Variants in RNMT observed in about 807,000 individuals in gnomAD.
RNMT encodes the protein mRNA cap guanine-N(7) methyltransferase.
In RNMT, 27 loss-of-function variants were observed where a neutral mutation model predicts 56.0. The ratio of observed to expected loss-of-function variants is 0.48; its 90% CI spans 0.36 to 0.67. RNMT has a LOEUF of 0.67. Ranked by LOEUF, RNMT falls within the 30% of genes least tolerant of loss-of-function variation. The pLI, the probability that RNMT is intolerant of heterozygous loss-of-function variation, is 0.00. For missense variants in RNMT, 519 were observed against 552.1 expected (o/e 0.94, Z 0.60); for synonymous variants, 184 against 176.2 (o/e 1.04, Z -0.35).
At chr18:13,734,340 T>A in intron 3 of RNMT, 124 bp from the exon 4 acceptor site, 1 of 786,918 alleles carries the variant, frequency 1.3e-6, no homozygotes, top group African/African-American at 1.8e-5. Context: ...TGTGGTTAAT[T>A]GCCATTGTTT....
chr18:13,752,553 C>CTGTAACAACAT (rs2044468059), intron 10 of RNMT, 126 bp downstream of exon 10: 3 of 616,374 alleles, frequency 4.9e-6, no homozygotes, highest in Admixed American at 2.8e-5. Context: ...TCAGTTGTTT[C>CTGTAACAACAT]CACTAAGTGA....
At chr18:13,759,717 C>CT (rs1186306134) in intron 11 of RNMT, among the ~76,000 whole-genome samples, 2 of 152,052 alleles carry the variant, frequency 1.3e-5, no homozygotes, top group Admixed American at 6.5e-5. Context: ...TGCAATATCA[C>CT]TGAGTATTAT....
intron 3 of RNMT, 65 bp from the exon 4 acceptor site, chr18:13,734,399 T>G: frequency 6.9e-7 from 1 of 1,452,502 alleles, no homozygotes; most frequent in Non-Finnish European, 9.3e-7. Flanking sequence ...ACAGGTCAAA[T>G]GTTCTGAGGC....
At chr18:13,753,818 C>G (rs1598427947) in intron 10 of RNMT, among the ~76,000 whole-genome samples, 2 of 89,878 alleles carry the variant, frequency 2.2e-5, no homozygotes, top group Non-Finnish European at 4.4e-5. Flanking sequence ...TTTCCAGTTA[C>G]ACACACACAC....
chr18:13,762,133 C>A lies in RNMT; in HGVS notation c.*2154C>A. On this transcript the variant is annotated 3_prime_UTR_variant, in exon 12 of 12. Coordinates refer to ENST00000383314, the MANE Select transcript of RNMT (RefSeq NM_003799.3). ...CAAGCTCAGTGAAGTGGGGCACTCC[C>A]AGACCTGCCATGCAGTTTATCCTCT... 6.5e-7 allele frequency: 1 copy of A among 1,535,556 alleles called. No individual in the cohort carries two copies. The highest frequency in any genetic ancestry group is 1.2e-5 in the South Asian group (1 of 84,000).
At chr18:13,733,031 G>A (rs2044099519) in intron 3 of RNMT, among the ~76,000 whole-genome samples, 1 of 152,038 alleles carries the variant, frequency 6.6e-6, no homozygotes, top group South Asian at 2.1e-4. Flanking sequence ...AAAGTGCTGG[G>A]ATTACAGGCA....
chr18:13,746,216 A>C lies in RNMT; in HGVS notation c.1140-4A>C, dbSNP rs752141583. 7.1e-7 allele frequency: 1 copy of C among 1,410,738 alleles called. No homozygotes were observed. Among genetic ancestry groups the C allele is most frequent in the South Asian group, 1.2e-5 (1 of 80,954 alleles). 87.4% of individuals were successfully genotyped at this position (1,410,738 alleles called of 1,614,324 possible). A position where few individuals can be genotyped will look rare whatever the true frequency, so the allele number is the denominator to read the frequency against. Reference sequence around the variant, plus strand: ...TTTTTCATTAAGTATTCTTTTTTGGACAGAATGGCAAAGAAGTACAATATG... The same window carrying C: ...TTTTTCATTAAGTATTCTTTTTTGGCCAGAATGGCAAAGAAGTACAATATG... On this transcript the variant is annotated splice_region_variant and splice_polypyrimidine_tract_variant and intron_variant, in intron 8 of 11. Coordinates refer to ENST00000383314, the MANE Select transcript of RNMT (RefSeq NM_003799.3).
chr18:13,742,942 C>A, intron 8 of RNMT: 12 of 208,490 alleles, frequency 5.8e-5, no homozygotes, highest in Middle Eastern at 1.8e-3. Context: ...GCTTGTGGCA[C>A]AAAATGCCTG....
intron 3 of RNMT, among the ~76,000 whole-genome samples, chr18:13,734,092 G>A (rs6505837): frequency 0.077 from 11,754 of 152,138 alleles, 513 homozygotes; most frequent in Middle Eastern, 0.13. Context: ...TTTATAAGGG[G>A]TTTCCCCTTT....
chr18:13,747,577 G>A (rs1209267312), intron 9 of RNMT, among the ~76,000 whole-genome samples: 1 of 152,068 alleles, frequency 6.6e-6, no homozygotes, highest in Non-Finnish European at 1.5e-5. Context: ...ACTTGCTCAA[G>A]GCATACTAAC....
At position 13,731,879 on chromosome 18, in the gene RNMT, A is replaced by T; in HGVS notation, c.362A>T (p.Asp121Val). ...CCAAAAGATAAATCTTCTACTGGAGATGGCACTCAAAATAAGAGAAAAATA... is the reference window on the plus strand; with the variant it reads ...CCAAAAGATAAATCTTCTACTGGAGTTGGCACTCAAAATAAGAGAAAAATA... ...DVPKDKSSTG[D>V]GTQNKRKIAL... The change falls in exon 3 of 12, where the codon GAT (aspartate) becomes GTT (valine). Residue 121 changes from aspartate to valine, a missense_variant. Physicochemically the swap from Asp to Val is radical, Grantham distance 152. Transcript: ENST00000383314. 2 of 1,606,124 alleles carry T rather than the reference A, an allele frequency of 1.2e-6. No homozygotes were observed. The highest frequency in any genetic ancestry group is 1.7e-6 in the Non-Finnish European group (2 of 1,178,406).
chr18:13,759,873 G>T, intron 11 of RNMT, 69 bp from the exon 12 acceptor site: 2 of 1,395,374 alleles, frequency 1.4e-6, no homozygotes, highest in South Asian at 2.4e-5. Flanking sequence ...ACCAAATTAT[G>T]AACAAGACAG....
chr18:13,758,788 A>G (rs1598431519), intron 11 of RNMT, among the ~76,000 whole-genome samples: 1 of 152,262 alleles, frequency 6.6e-6, no homozygotes, highest in East Asian at 1.9e-4. Context: ...AGCTTTTTAC[A>G]TGCCTTGTTC....
chr18:13,732,675 A>G (rs1450264814), intron 3 of RNMT, among the ~76,000 whole-genome samples: 2 of 151,910 alleles, frequency 1.3e-5, no homozygotes, highest in African/African-American at 4.8e-5. Context: ...CTTATGAGGA[A>G]AGTGACTGAT....
intron 10 of RNMT, 46 bp downstream of exon 10, chr18:13,752,473 A>G: frequency 8.4e-7 from 1 of 1,194,240 alleles, no homozygotes. Flanking sequence ...TGAAAAAAAG[A>G]ACATGCTTAT....
intron 9 of RNMT, 109 bp from the exon 10 acceptor site, chr18:13,752,217 A>G (rs1840560980): frequency 4.6e-6 from 3 of 655,836 alleles, no homozygotes; most frequent in Non-Finnish European, 8.1e-6. Context: ...TTCCTGAAGT[A>G]GTACTTACGG....
At chr18:13,759,301 A>G (rs1341778660) in intron 11 of RNMT, among the ~76,000 whole-genome samples, 1 of 152,228 alleles carries the variant, frequency 6.6e-6, no homozygotes, top group Non-Finnish European at 1.5e-5. Context: ...ATAGGTTTCA[A>G]CTTGATTCAG....
At chr18:13,752,170 A>ATTTTTTTTTTTAT in intron 9 of RNMT, 156 bp from the exon 10 acceptor site, 1 of 574,550 alleles carries the variant, frequency 1.7e-6, no homozygotes, top group Non-Finnish European at 3.1e-6. Flanking sequence ...CTTTTTTTTA[A>ATTTTTTTTTTTAT]TTTTTTTCTG....
intron 11 of RNMT, among the ~76,000 whole-genome samples, chr18:13,755,968 A>T (rs2044535883): frequency 6.6e-6 from 1 of 152,210 alleles, no homozygotes; most frequent in Non-Finnish European, 1.5e-5. Flanking sequence ...GCAGTGGCCA[A>T]ATTGCACCTC....
Sources: gnomAD v4.1 joint callset for allele counts (sites outside exome capture counted in the v4.1 genomes callset) on GRCh38, gnomAD v4.1.1 for gene constraint, MANE v1.5 for transcripts, NCBI Gene and HGNC (gene_info 2026-07-23, HGNC 2026-07-21) for gene names.